The following RGS7 variants were observed in gnomAD, a reference collection of about 807,000 sequenced individuals.
RGS7 encodes regulator of G-protein signaling 7.
In RGS7, 27 loss-of-function variants were observed where a neutral mutation model predicts 81.1. The ratio of observed to expected loss-of-function variants is 0.33; its 90% CI spans 0.25 to 0.46. RGS7 has a LOEUF of 0.46. Ranked by LOEUF, RGS7 falls within the 20% of genes least tolerant of loss-of-function variation. The probability of loss-of-function intolerance (pLI) is 1.00; values close to 1 mark genes in which losing one functional copy is unlikely to be tolerated. For missense variants in RGS7, 396 were observed against 607.4 expected, an observed-to-expected ratio of 0.65 and a Z score of 3.66; for synonymous variants, 208 against 207.7, an observed-to-expected ratio of 1.00 and a Z score of -0.01.
intron 2 of RGS7, among the ~76,000 whole-genome samples, chr1:241,156,205 T>A (rs1217449181): frequency 6.6e-6 from 1 of 151,920 alleles, no homozygotes; most frequent in African/African-American, 2.4e-5. Context: ...GAAAGATAGA[T>A]GCTAGGCTGG....
intron 2 of RGS7, among the ~76,000 whole-genome samples, chr1:241,133,565 CATA>C (rs1404008550): frequency 1.3e-5 from 2 of 151,950 alleles, no homozygotes; most frequent in African/African-American, 2.4e-5. Flanking sequence ...AAAGAACACT[CATA>C]ATATTAATTT....
At chr1:241,323,989 C>T (rs1339298848) in intron 2 of RGS7, among the ~76,000 whole-genome samples, 3 of 152,166 alleles carry the variant, frequency 2.0e-5, no homozygotes, top group Non-Finnish European at 4.4e-5. Context: ...TTTAGTCTCT[C>T]TTAGTCTCCA....
chr1:241,013,786 T>C (rs576119008), intron 3 of RGS7, among the ~76,000 whole-genome samples: 1 of 152,360 alleles, frequency 6.6e-6, no homozygotes, highest in Non-Finnish European at 1.5e-5. Context: ...AATGAGGACA[T>C]TACCTATCTC....
intron 6 of RGS7, among the ~76,000 whole-genome samples, chr1:240,879,278 C>T (rs187379622): frequency 6.6e-6 from 1 of 152,254 alleles, no homozygotes; most frequent in Non-Finnish European, 1.5e-5. Context: ...ATACTTTTTA[C>T]CTTGGATTAT....
rs185729473 is a variant in RGS7, at chr1:241,319,808, G to A, written c.78+35891C>T. On this transcript the variant is annotated intron_variant, in intron 2 of 18. Coordinates refer to ENST00000440928, the MANE Select transcript of RGS7 (RefSeq NM_001364886.1). Reference sequence around the variant, plus strand: ...TTTAATTTTTGTTTTTAAAAAGTTCGAAGGCCGGGCGCAGTGGCTCTCGCC... The same window carrying A: ...TTTAATTTTTGTTTTTAAAAAGTTCAAAGGCCGGGCGCAGTGGCTCTCGCC... Among the ~76,000 whole-genome samples the A allele has an allele frequency of 1.3e-3, 196 of 152,094 alleles. No individual in the cohort carries two copies. The Middle Eastern group carries it at 0.024, about 18-fold the overall frequency.
At chr1:241,326,599 A>G (rs764475606) in intron 2 of RGS7, among the ~76,000 whole-genome samples, 5 of 150,090 alleles carry the variant, frequency 3.3e-5, no homozygotes, top group Non-Finnish European at 7.4e-5. Context: ...AGAAAGACAC[A>G]TTAAATGTCA....
chr1:240,950,092 T>A (rs7513725), intron 4 of RGS7, among the ~76,000 whole-genome samples: 97 of 152,170 alleles, frequency 6.4e-4, no homozygotes, highest in African/African-American at 2.3e-3. Flanking sequence ...AGCTTTTGGA[T>A]CCATAAACTG....
chr1:241,016,905 C>A (rs2059276788), intron 3 of RGS7, among the ~76,000 whole-genome samples: 1 of 152,154 alleles, frequency 6.6e-6, no homozygotes, highest in Middle Eastern at 3.4e-3. Flanking sequence ...GTGCATTTTC[C>A]TCTTCTTTTA....
intron 2 of RGS7, among the ~76,000 whole-genome samples, chr1:241,146,663 C>G (rs1197780850): frequency 6.6e-6 from 1 of 152,176 alleles, no homozygotes; most frequent in Non-Finnish European, 1.5e-5. Context: ...TTCTTTCTCC[C>G]CAGAGGTCAC....
chr1:241,043,989 C>A (rs996738802), intron 3 of RGS7, among the ~76,000 whole-genome samples: 1 of 152,134 alleles, frequency 6.6e-6, no homozygotes, highest in African/African-American at 2.4e-5. Context: ...TAAATCCTTG[C>A]ATTTCAACAA....
At chr1:240,974,575 A>G (rs1683774768) in intron 4 of RGS7, among the ~76,000 whole-genome samples, 1 of 152,188 alleles carries the variant, frequency 6.6e-6, no homozygotes, top group South Asian at 2.1e-4. Flanking sequence ...AAGTGATGAG[A>G]CCAACATACA....
intron 10 of RGS7, among the ~76,000 whole-genome samples, chr1:240,826,099 C>T (rs1256077039): frequency 6.6e-6 from 1 of 152,152 alleles, no homozygotes; most frequent in Non-Finnish European, 1.5e-5. Context: ...TAAGTTGGGC[C>T]AGCCACCAGA....
chr1:240,817,537 T>C (rs1691023999), intron 10 of RGS7, among the ~76,000 whole-genome samples: 1 of 150,768 alleles, frequency 6.6e-6, no homozygotes, highest in Non-Finnish European at 1.5e-5. Flanking sequence ...ACTCTGTATC[T>C]GTCTTGACTC....
chr1:241,268,698 T>C (rs1296206411), intron 2 of RGS7, among the ~76,000 whole-genome samples: 3 of 152,208 alleles, frequency 2.0e-5, no homozygotes, highest in Non-Finnish European at 2.9e-5. Flanking sequence ...CTGTGGTATC[T>C]AGAGCCCCCA....
intron 2 of RGS7, among the ~76,000 whole-genome samples, chr1:241,283,419 G>C (rs1165657732): frequency 6.6e-6 from 1 of 152,092 alleles, no homozygotes; most frequent in African/African-American, 2.4e-5. Context: ...TGGATATAGT[G>C]TTCTGAGTTG....
At chr1:240,824,688 C>T (rs143611484) in intron 10 of RGS7, among the ~76,000 whole-genome samples, 11 of 152,330 alleles carry the variant, frequency 7.2e-5, no homozygotes, top group East Asian at 1.9e-4. Context: ...ATGTCATGGA[C>T]GGAGTTGTGT....
chr1:241,348,978 A>C (rs948618049), intron 2 of RGS7, among the ~76,000 whole-genome samples: 2 of 142,482 alleles, frequency 1.4e-5, no homozygotes, highest in African/African-American at 5.2e-5. Flanking sequence ...GTGTTTAATA[A>C]TTTTTGTTGA....
intron 2 of RGS7, among the ~76,000 whole-genome samples, chr1:241,327,564 C>G (rs1449640860): frequency 6.6e-6 from 1 of 152,144 alleles, no homozygotes; most frequent in Non-Finnish European, 1.5e-5. Context: ...GTAGCAGCAT[C>G]AAGAACTAGA....
chr1:240,953,238 T>A (rs528399509), intron 4 of RGS7, among the ~76,000 whole-genome samples: 2 of 152,026 alleles, frequency 1.3e-5, no homozygotes, highest in African/African-American at 2.4e-5. Flanking sequence ...TGATAGTATA[T>A]CAATGATATA....
Sources: allele counts gnomAD v4.1 joint callset (sites outside exome capture counted in the v4.1 genomes callset), GRCh38; gene constraint gnomAD v4.1.1; transcripts MANE v1.5; gene names NCBI Gene and HGNC (gene_info 2026-07-23, HGNC 2026-07-21).